Variants in RNF150 observed in about 807,000 individuals in gnomAD.
The protein encoded by RNF150 is ring finger protein 150.
A neutral mutation model predicts 39.3 loss-of-function variants in RNF150; 24 were observed. The observed-to-expected ratio is 0.61, with a 90% CI of 0.44 to 0.86. RNF150 has a LOEUF of 0.86. Among genes scored for constraint, RNF150 ranks in the 40% least tolerant of loss-of-function variants. RNF150 has a pLI of 0.00. For missense variants in RNF150, 502 were observed against 587.8 expected, an observed-to-expected ratio of 0.85 and a Z score of 1.51; for synonymous variants, 255 against 227.3, an observed-to-expected ratio of 1.12 and a Z score of -1.10.
At chr4:141,063,842 T>C (rs1386836805) in intron 1 of RNF150, among the ~76,000 whole-genome samples, 12 of 152,200 alleles carry the variant, frequency 7.9e-5, no homozygotes, top group Admixed American at 7.9e-4. Flanking sequence ...GTTATGTGTG[T>C]GTTGGTGACA....
At chr4:140,989,355 T>C (rs1352402835) in intron 1 of RNF150, among the ~76,000 whole-genome samples, 3 of 152,050 alleles carry the variant, frequency 2.0e-5, no homozygotes, top group Non-Finnish European at 2.9e-5. Flanking sequence ...ACCAAAGAGA[T>C]GTCAGATGTA....
At chr4:140,899,605 ACT>A (rs772925670) in intron 6 of RNF150, among the ~76,000 whole-genome samples, 8 of 151,596 alleles carry the variant, frequency 5.3e-5, no homozygotes, top group Non-Finnish European at 8.8e-5. Flanking sequence ...ACCTGGCTTG[ACT>A]CTCATCCTGA....
intron 1 of RNF150, among the ~76,000 whole-genome samples, chr4:141,126,095 T>TACACACACACAC (rs139608178): frequency 2.7e-5 from 4 of 150,212 alleles, no homozygotes; most frequent in South Asian, 2.1e-4. Context: ...AATAAATACA[T>TACACACACACAC]ACACACACAC....
At chr4:141,162,123 G>A (rs927387533) in intron 1 of RNF150, among the ~76,000 whole-genome samples, 1 of 152,184 alleles carries the variant, frequency 6.6e-6, no homozygotes, top group Non-Finnish European at 1.5e-5. Context: ...AGCACTCAAC[G>A]CCAGCCCATG....
intron 1 of RNF150, among the ~76,000 whole-genome samples, chr4:141,115,888 G>C (rs1234076283): frequency 6.6e-6 from 1 of 152,152 alleles, no homozygotes; most frequent in Non-Finnish European, 1.5e-5. Flanking sequence ...ACACACAATG[G>C]GGACAGGATT....
chr4:140,901,962 G>A (rs1007146743), intron 6 of RNF150, among the ~76,000 whole-genome samples: 4 of 152,186 alleles, frequency 2.6e-5, no homozygotes, highest in Non-Finnish European at 2.9e-5. Context: ...GTGGGGAAGA[G>A]GCAGGGAGAA....
At chr4:141,041,417 T>C (rs967325207) in intron 1 of RNF150, among the ~76,000 whole-genome samples, 1 of 151,952 alleles carries the variant, frequency 6.6e-6, no homozygotes, top group Non-Finnish European at 1.5e-5. Context: ...AATACAACCA[T>C]CCATGAAAAC....
At chr4:141,103,841 T>C (rs1483087940) in intron 1 of RNF150, among the ~76,000 whole-genome samples, 1 of 152,146 alleles carries the variant, frequency 6.6e-6, no homozygotes, top group Non-Finnish European at 1.5e-5. Context: ...GTTTTAGAGG[T>C]CAAATTCTGT....
intron 6 of RNF150, among the ~76,000 whole-genome samples, chr4:140,878,164 G>GTTTTTTTTTTTTT (rs58338048): frequency 3.3e-5 from 3 of 90,508 alleles, no homozygotes; most frequent in African/African-American, 7.9e-5. Context: ...ATCTCATTGT[G>GTTTTTTTTTTTTT]TTTTTTTTTT....
rs1202537106 is a variant in RNF150 at position 141,133,284 on chromosome 4, G to A, written c.-476C>T. ...GTCCCGGCCGCCGCCACTGAGCGCTGGGGCGCGCGAATCCAGCTGCAGCCG... is the reference window on the plus strand; with the variant it reads ...GTCCCGGCCGCCGCCACTGAGCGCTAGGGCGCGCGAATCCAGCTGCAGCCG... On this transcript the variant is annotated 5_prime_UTR_variant, in exon 1 of 7. Coordinates refer to ENST00000515673, the MANE Select transcript of RNF150 (RefSeq NM_020724.2). 5.9e-6 allele frequency: 1 copy of A among 169,412 alleles called. No individual in the cohort carries two copies. The highest frequency in any genetic ancestry group is 1.2e-5 in the Non-Finnish European group (1 of 80,812). The allele number at this position is 169,412 out of a possible 1,614,324, so 10.5% of individuals were successfully genotyped here.
chr4:141,121,024 G>A (rs536102784), intron 1 of RNF150, among the ~76,000 whole-genome samples: 11 of 152,238 alleles, frequency 7.2e-5, no homozygotes, highest in Admixed American at 1.3e-4. Context: ...GATAAGATGC[G>A]ATCAGATTCA....
At chr4:140,921,866 A>G (rs1343283720) in intron 5 of RNF150, among the ~76,000 whole-genome samples, 1 of 152,094 alleles carries the variant, frequency 6.6e-6, no homozygotes, top group East Asian at 1.9e-4. Context: ...AAAGACAAAA[A>G]CCACATGATT....
chr4:141,078,223 G>A (rs945983131), intron 1 of RNF150, among the ~76,000 whole-genome samples: 2 of 152,096 alleles, frequency 1.3e-5, no homozygotes, highest in African/African-American at 2.4e-5. Flanking sequence ...CAGTGAATGG[G>A]GTAAATTGTG....
At chr4:141,197,627 C>T (rs1728221552) in intron 1 of RNF150, among the ~76,000 whole-genome samples, 1 of 151,950 alleles carries the variant, frequency 6.6e-6, no homozygotes, top group Non-Finnish European at 1.5e-5. Context: ...GTCTGTAATC[C>T]CAGCACTTTG....
intron 1 of RNF150, among the ~76,000 whole-genome samples, chr4:141,196,932 A>G (rs1279939450): frequency 2.0e-5 from 3 of 152,196 alleles, no homozygotes; most frequent in African/African-American, 7.2e-5. Context: ...ACGGTGGTCC[A>G]TCTATCTCAG....
At chr4:141,066,828 A>G (rs948204120) in intron 1 of RNF150, among the ~76,000 whole-genome samples, 1 of 152,214 alleles carries the variant, frequency 6.6e-6, no homozygotes, top group Non-Finnish European at 1.5e-5. Flanking sequence ...GTCACTTAAC[A>G]GGGCTATATT....
intron 1 of RNF150, among the ~76,000 whole-genome samples, chr4:141,007,105 A>G (rs540040912): frequency 6.6e-6 from 1 of 152,332 alleles, no homozygotes; most frequent in East Asian, 1.9e-4. Context: ...AAAGGTTAGA[A>G]AGGAATTGAG....
intron 1 of RNF150, among the ~76,000 whole-genome samples, chr4:141,196,853 C>T (rs1285011513): frequency 1.3e-5 from 2 of 152,200 alleles, no homozygotes; most frequent in African/African-American, 4.8e-5. Flanking sequence ...TTTCCCATCT[C>T]CCAGAATCTG....
intron 6 of RNF150, among the ~76,000 whole-genome samples, chr4:140,881,050 G>A (rs1729354623): frequency 6.6e-6 from 1 of 151,654 alleles, no homozygotes; most frequent in African/African-American, 2.4e-5. Context: ...TTGAAATTCT[G>A]CTAATTTTGA....
Sources: allele counts gnomAD v4.1 joint callset (sites outside exome capture counted in the v4.1 genomes callset), GRCh38; gene constraint gnomAD v4.1.1; transcripts MANE v1.5; gene names NCBI Gene and HGNC (gene_info 2026-07-23, HGNC 2026-07-21).